The following POLR1A variants were observed in gnomAD, a reference collection of about 807,000 sequenced individuals.
POLR1A encodes the protein DNA-directed RNA polymerase I subunit RPA1.
POLR1A carries 84 observed loss-of-function variants against 205.3 expected under a neutral mutation model. The ratio of observed to expected loss-of-function variants is 0.41; its 90% confidence interval spans 0.34 to 0.49. POLR1A has a LOEUF of 0.49. POLR1A is among the 20% of genes least tolerant of loss of function. The pLI is 0.22. For synonymous variants in POLR1A, 799 were observed against 863.7 expected (o/e 0.93, Z 1.31); for missense variants, 1,645 against 2,204.5 (o/e 0.75, Z 5.08).
At position 86,061,709 on chromosome 2, in the gene POLR1A, C is replaced by T. The variant is rs114588958; in HGVS notation, c.2058+3565G>A. 4.7e-3 allele frequency among the ~76,000 whole-genome samples: 709 copies of T among 152,252 alleles called. 4 individuals carry two copies. Among genetic ancestry groups the T allele is most frequent in the African/African-American group, 0.016 (666 of 41,550 alleles). ...ACATTATAAAGCAATAAAAAATAAA[C>T]TGCTACTATATACAATAACATGGGT... On this transcript the variant is annotated intron_variant, in intron 14 of 33. Transcript: ENST00000263857.
chr2:86,103,966 T>C (rs1169971401), intron 1 of POLR1A, among the ~76,000 whole-genome samples: 1 of 152,092 alleles, frequency 6.6e-6, no homozygotes, highest in Admixed American at 6.6e-5. Flanking sequence ...ATGATGGCGG[T>C]TTCTGGAATA....
chr2:86,051,926 C>T (rs1375180407), intron 16 of POLR1A, among the ~76,000 whole-genome samples: 1 of 152,180 alleles, frequency 6.6e-6, no homozygotes, highest in Non-Finnish European at 1.5e-5. Context: ...ATAGTGTTTC[C>T]AAGAGCGCTG....
chr2:86,051,648 T>C (rs1672805792), intron 16 of POLR1A, among the ~76,000 whole-genome samples: 1 of 152,262 alleles, frequency 6.6e-6, no homozygotes, highest in Admixed American at 6.5e-5. Flanking sequence ...GTGGAAGGGC[T>C]GGACCCTGCT....
intron 3 of POLR1A, among the ~76,000 whole-genome samples, chr2:86,090,753 C>T (rs1382532811): frequency 2.6e-5 from 4 of 152,176 alleles, no homozygotes; most frequent in Non-Finnish European, 4.4e-5. Context: ...ACTTTTTATT[C>T]ACAAACTCTC....
At chr2:86,103,255 A>T (rs1673854874) in intron 1 of POLR1A, among the ~76,000 whole-genome samples, 1 of 152,126 alleles carries the variant, frequency 6.6e-6, no homozygotes, top group South Asian at 2.1e-4. Context: ...CCATACAGTC[A>T]CCTGGGCAGA....
rs186868453 is a variant in POLR1A, at chr2:86,081,819, T to C, written c.818-113A>G. The C allele has an allele frequency of 1.1e-4, 70 of 660,408 alleles. 2 individuals are homozygous for C. In the Middle Eastern group the frequency reaches 1.2e-3, roughly 11 times the overall value. The allele number at this position is 660,408 out of a possible 1,614,324, so 40.9% of individuals were successfully genotyped here. A position where few individuals can be genotyped will look rare whatever the true frequency, so the allele number is the denominator to read the frequency against. ...GGAAAAAACAGAATACAAGATAATA[T>C]GTAGAGTTAAGGTCACAGTTTTCTT... On this transcript the variant is annotated intron_variant, in intron 7 of 33. Coordinates refer to ENST00000263857, the MANE Select transcript of POLR1A (RefSeq NM_015425.6).
At chr2:86,084,123 G>A (rs1052163129) in intron 6 of POLR1A, among the ~76,000 whole-genome samples, 14 of 152,180 alleles carry the variant, frequency 9.2e-5, no homozygotes, top group African/African-American at 2.9e-4. Context: ...AAAATTAGCC[G>A]GGCATGGTGG....
At chr2:86,039,700 T>A (rs1223190489) in intron 25 of POLR1A, among the ~76,000 whole-genome samples, 1 of 152,226 alleles carries the variant, frequency 6.6e-6, no homozygotes, top group African/African-American at 2.4e-5. Flanking sequence ...TTTGTCTGAT[T>A]CTTGTTTCCT....
intron 14 of POLR1A, among the ~76,000 whole-genome samples, chr2:86,056,058 C>T (rs1167224810): frequency 6.6e-6 from 1 of 152,030 alleles, no homozygotes; most frequent in African/African-American, 2.4e-5. Context: ...ATTATTAGAG[C>T]TTGTAAATGA....
chr2:86,097,619 C>T (rs182520353), intron 3 of POLR1A, among the ~76,000 whole-genome samples: 9 of 152,136 alleles, frequency 5.9e-5, no homozygotes, highest in South Asian at 2.1e-4. Flanking sequence ...GAGGACATTA[C>T]GTGAAATAAG....
In POLR1A at chr2:86,078,204, G is replaced by A. The variant is rs1373963220; in HGVS notation, c.1167C>T (p.Asn389=). The A allele has an allele frequency of 2.5e-6, 4 of 1,612,956 alleles. No homozygotes were observed. In the Admixed American group the frequency reaches 6.7e-5, roughly 27 times the overall value. The change falls in exon 10 of 34, where the codon AAC becomes AAT. Residue 389 remains asparagine, a synonymous_variant. Transcript: ENST00000263857. ...CGTGGCTCTGAAGGCGAATCCAAAT[G>A]TTGTAAAGTTTGTCTATGAGGGACT... is the stretch of plus-strand genomic sequence containing the variant. The part of the protein sequence containing the change: ...PGQSLIDKLY[N]IWIRLQSHVN...
intron 27 of POLR1A, among the ~76,000 whole-genome samples, chr2:86,036,406 A>C (rs771018599): frequency 7.9e-5 from 12 of 151,942 alleles, no homozygotes; most frequent in Non-Finnish European, 1.6e-4. Flanking sequence ...CTAGGGAACC[A>C]TCTGTCTCGT....
In POLR1A at chr2:86,072,703, T is replaced by C. The variant is rs551730986; in HGVS notation, c.1611+2327A>G. Among the ~76,000 whole-genome samples the C allele has an allele frequency of 4.5e-3, 683 of 152,374 alleles. 3 individuals carry two copies. Among genetic ancestry groups the C allele is most frequent in the Non-Finnish European group, 6.0e-3 (410 of 68,026 alleles). On this transcript the variant is annotated intron_variant, in intron 12 of 33. Coordinates refer to ENST00000263857, the MANE Select transcript of POLR1A (RefSeq NM_015425.6). ...AGGCTGCTGAGCAGGGCAATGAGCC[T>C]TGGCTCTCCGGGCCATTTCCTCTTT...
chr2:86,053,625 G>A (rs1672845535), intron 15 of POLR1A, among the ~76,000 whole-genome samples: 1 of 152,210 alleles, frequency 6.6e-6, no homozygotes, highest in African/African-American at 2.4e-5. Flanking sequence ...AAACCTGGCA[G>A]TTTCGGGGTG....
rs191684746 is a variant in POLR1A, at chr2:86,050,478, T to A, written c.2393-1236A>T. Among the ~76,000 whole-genome samples, 5 of 152,298 alleles carry A rather than the reference T, an allele frequency of 3.3e-5. No individual in the cohort carries two copies. In the East Asian group the frequency reaches 9.7e-4, roughly 29 times the overall value. On this transcript the variant is annotated intron_variant, in intron 16 of 33. Transcript: ENST00000263857. Reference sequence around the variant, plus strand: ...ACAGGCCAACTAGCTGTGCCCTTTATGGACCCCGCTAGCTGAGACGGGCTG... The same window carrying A: ...ACAGGCCAACTAGCTGTGCCCTTTAAGGACCCCGCTAGCTGAGACGGGCTG...
intron 3 of POLR1A, 146 bp downstream of exon 3, chr2:86,098,465 C>G (rs1200988192): frequency 1.4e-6 from 1 of 734,658 alleles, no homozygotes; most frequent in Non-Finnish European, 2.3e-6. Context: ...TGTTTTCACA[C>G]TCAGCTATTG....
Position 86,094,893 on chromosome 2 carries a change from C to A in POLR1A, c.432+3718G>T, listed in dbSNP as rs1301140828. 5.9e-5 allele frequency among the ~76,000 whole-genome samples: 9 copies of A among 152,200 alleles called. 1 individual carries two copies. Among genetic ancestry groups the A allele is most frequent in the Admixed American group, 5.9e-4 (9 of 15,288 alleles). ...AAATTGGGCTCAAGCTCCACATGAG[C>A]CCACCCTCCTTGTGGACCCCTCCTT... On this transcript the variant is annotated intron_variant, in intron 3 of 33. Transcript: ENST00000263857.
intron 3 of POLR1A, among the ~76,000 whole-genome samples, chr2:86,097,505 T>C (rs991414349): frequency 1.3e-5 from 2 of 152,068 alleles, no homozygotes; most frequent in Admixed American, 1.3e-4. Context: ...TGTCCAACAA[T>C]AGATAAAGGG....
intron 17 of POLR1A, 44 bp from the exon 18 acceptor site, chr2:86,049,086 C>T (rs181448641): frequency 3.0e-4 from 483 of 1,613,342 alleles, no homozygotes; most frequent in Middle Eastern, 1.7e-4. Flanking sequence ...GGCCAAACGA[C>T]GAGAGTGTGG....
Sources: gnomAD v4.1 joint callset for allele counts (sites outside exome capture counted in the v4.1 genomes callset) on GRCh38, gnomAD v4.1.1 for gene constraint, MANE v1.5 for transcripts, NCBI Gene and HGNC (gene_info 2026-07-23, HGNC 2026-07-21) for gene names.